Variants in C10orf143 observed in about 807,000 individuals in gnomAD.
The protein encoded by C10orf143 is uncharacterized protein C10orf143.
At chr10:130,064,564 G>C (rs959956935) in intron 3 of C10orf143, among the ~76,000 whole-genome samples, 181 bp from the exon 4 acceptor site, 2 of 152,044 alleles carry the variant, frequency 1.3e-5, no homozygotes, top group East Asian at 3.9e-4. Context: ...TTATAATTAA[G>C]ATATTTAAAG....
intron 1 of C10orf143, among the ~76,000 whole-genome samples, chr10:130,094,613 C>A (rs1028993183): frequency 2.6e-5 from 4 of 152,114 alleles, no homozygotes; most frequent in African/African-American, 9.7e-5. Flanking sequence ...TAAGCAGAAC[C>A]AATGACAAAA....
chr10:130,087,231 T>A (rs1861304976), intron 1 of C10orf143, among the ~76,000 whole-genome samples: 1 of 152,252 alleles, frequency 6.6e-6, no homozygotes, highest in Admixed American at 6.5e-5. Context: ...GAAAAATGAC[T>A]GCCACAGAGG....
intron 3 of C10orf143, among the ~76,000 whole-genome samples, chr10:130,052,630 T>A (rs1317974342): frequency 6.6e-6 from 1 of 152,242 alleles, no homozygotes; most frequent in Admixed American, 6.5e-5. Flanking sequence ...AGACTTTTAC[T>A]GTACCTATCT....
chr10:130,077,307 A>G (rs1861134612), intron 3 of C10orf143, among the ~76,000 whole-genome samples: 1 of 152,164 alleles, frequency 6.6e-6, no homozygotes, highest in Non-Finnish European at 1.5e-5. Context: ...TTAGGAACAG[A>G]AGGACCACCA....
intron 1 of C10orf143, among the ~76,000 whole-genome samples, 195 bp downstream of exon 1, chr10:130,110,509 C>T (rs1054873043): frequency 1.3e-5 from 2 of 152,262 alleles, no homozygotes; most frequent in African/African-American, 2.4e-5. Context: ...ACCGGGAGAG[C>T]GGCGTCACAA....
At chr10:130,067,377 T>G (rs1466794792) in intron 3 of C10orf143, 2 of 152,282 alleles carry the variant, frequency 1.3e-5, no homozygotes, top group Non-Finnish European at 2.9e-5. Context: ...TACATCTAGC[T>G]GCAAGTCATC....
At chr10:130,048,602 C>A (rs566908302) in intron 3 of C10orf143, among the ~76,000 whole-genome samples, 2 of 152,166 alleles carry the variant, frequency 1.3e-5, no homozygotes, top group Admixed American at 1.3e-4. Flanking sequence ...CTTTTAGGCT[C>A]CAAGGGCCAC....
At chr10:130,071,631 T>C (rs1158992086) in intron 3 of C10orf143, among the ~76,000 whole-genome samples, 1 of 146,156 alleles carries the variant, frequency 6.8e-6, no homozygotes, top group Non-Finnish European at 1.5e-5. Flanking sequence ...AGTTATATTC[T>C]ATATTTTTTT....
In C10orf143 at chr10:130,055,976, AAAAG is replaced by A. The variant is rs1564954897; in HGVS notation, c.298-20010_298-20007del. Among the ~76,000 whole-genome samples the A allele has an allele frequency of 4.0e-5, 6 of 150,254 alleles. No individual in the cohort carries two copies. In the East Asian group the frequency reaches 9.7e-4, roughly 24 times the overall value. The stretch of plus-strand genomic sequence containing the variant: ...GTAAAAAAAAAAAAAAAAAAAAAAA[AAAAG>A]AAAGAAAAGAAAAATGGGCCTTATC... On this transcript the variant is annotated intron_variant and NMD_transcript_variant, in intron 3 of 5. Transcript: ENST00000643056.
chr10:130,097,073 G>A (rs1861474815), intron 1 of C10orf143, among the ~76,000 whole-genome samples: 1 of 151,162 alleles, frequency 6.6e-6, no homozygotes, highest in African/African-American at 2.4e-5. Flanking sequence ...CGATTCTCCT[G>A]CCTCAGCCTC....
intron 3 of C10orf143, among the ~76,000 whole-genome samples, chr10:130,041,613 A>G (rs1379446014): frequency 1.3e-5 from 2 of 152,230 alleles, no homozygotes; most frequent in African/African-American, 4.8e-5. Context: ...GCTGTAGCCA[A>G]AATTTGAGAG....
chr10:130,048,977 T>A (rs977145767), intron 3 of C10orf143, among the ~76,000 whole-genome samples: 3 of 152,044 alleles, frequency 2.0e-5, no homozygotes, highest in Non-Finnish European at 4.4e-5. Context: ...GTCACTGGGG[T>A]TACAGATGTG....
chr10:130,045,506 A>AC (rs1292221782), intron 3 of C10orf143, among the ~76,000 whole-genome samples: 2 of 152,128 alleles, frequency 1.3e-5, no homozygotes, highest in Non-Finnish European at 2.9e-5. Context: ...CTGCAGCTGC[A>AC]CCCCCAGGAC....
chr10:130,106,751 G>A, intron 1 of C10orf143: 2 of 1,248,322 alleles, frequency 1.6e-6, no homozygotes, highest in East Asian at 4.7e-5. Context: ...GAACGAACAA[G>A]TGAATGAACT....
chr10:130,069,582 A>G (rs1860997520), intron 3 of C10orf143, among the ~76,000 whole-genome samples: 1 of 151,444 alleles, frequency 6.6e-6, no homozygotes, highest in South Asian at 2.1e-4. Flanking sequence ...GCTGGATATT[A>G]GTTCTACTAG....
intron 1 of C10orf143, among the ~76,000 whole-genome samples, chr10:130,103,927 A>C (rs1411566459): frequency 6.6e-6 from 1 of 152,124 alleles, no homozygotes; most frequent in East Asian, 1.9e-4. Flanking sequence ...ATGTTGCTCT[A>C]CCCAAGAAAC....
chr10:130,063,490 C>T (rs892716442), downstream of C10orf143, among the ~76,000 whole-genome samples: 3 of 152,174 alleles, frequency 2.0e-5, no homozygotes, highest in East Asian at 1.9e-4. Context: ...TTAATGAAGA[C>T]GTGTCCTGTA....
At chr10:130,040,409 C>T (rs576412702) in intron 3 of C10orf143, among the ~76,000 whole-genome samples, 5 of 152,346 alleles carry the variant, frequency 3.3e-5, no homozygotes, top group South Asian at 2.1e-4. Flanking sequence ...TTTTGCAAAA[C>T]GGCTTAGGAA....
intron 1 of C10orf143, among the ~76,000 whole-genome samples, chr10:130,100,940 G>A (rs747465500): frequency 3.7e-4 from 56 of 152,108 alleles, no homozygotes; most frequent in Admixed American, 9.2e-4. Flanking sequence ...AGCTGAGGCC[G>A]GGCATGGTGG....
Sources: gnomAD v4.1 joint callset for allele counts (sites outside exome capture counted in the v4.1 genomes callset) on GRCh38, gnomAD v4.1.1 for gene constraint, MANE v1.5 for transcripts, NCBI Gene and HGNC (gene_info 2026-07-23, HGNC 2026-07-21) for gene names.